The following PIK3C2G variants were observed in gnomAD, a reference collection of about 807,000 sequenced individuals.
The protein encoded by PIK3C2G is phosphatidylinositol-4-phosphate 3-kinase catalytic subunit type 2 gamma.
PIK3C2G carries 168 observed loss-of-function variants against 181.1 expected under a neutral mutation model. The ratio of observed to expected loss-of-function variants is 0.93; its 90% CI spans 0.82 to 1.05. PIK3C2G has a LOEUF of 1.05. Ranked by LOEUF, PIK3C2G falls within the 50% of genes least tolerant of loss-of-function variation. PIK3C2G has a pLI of 0.00. For synonymous variants in PIK3C2G, 573 were observed against 592.2 expected (o/e 0.97, Z 0.47); for missense variants, 1,869 against 1,732.8 (o/e 1.08, Z -1.40).
In PIK3C2G at chr12:18,516,437, T is replaced by A. The variant is rs540752740; in HGVS notation, c.3323+10976T>A. On this transcript the variant is annotated intron_variant, in intron 24 of 32. Transcript: ENST00000538779. ...TGTCTTTAATTTTTGATAATTTGAT[T>A]ATAATGTGTCTTGGGGAATTTCTCC... is the stretch of plus-strand genomic sequence containing the variant. Among the ~76,000 whole-genome samples the A allele has an allele frequency of 1.5e-3, 235 of 152,208 alleles. 1 individual carries two copies. The highest frequency in any genetic ancestry group is 2.8e-3 in the Non-Finnish European group (189 of 67,976).
At chr12:18,632,982 G>A (rs770905211) in intron 31 of PIK3C2G, among the ~76,000 whole-genome samples, 94 of 152,016 alleles carry the variant, frequency 6.2e-4, no homozygotes, top group Non-Finnish European at 3.5e-4. Context: ...TAACCATCAC[G>A]AGTTCACTCC....
chr12:18,484,751 T>C (rs1254195151), intron 18 of PIK3C2G, among the ~76,000 whole-genome samples: 1 of 152,112 alleles, frequency 6.6e-6, no homozygotes, highest in East Asian at 1.9e-4. Flanking sequence ...AGAGGTAAAA[T>C]AAAGTTGCTA....
At chr12:18,557,281 ATAAT>A (rs1350865434) in intron 26 of PIK3C2G, among the ~76,000 whole-genome samples, 18 of 152,104 alleles carry the variant, frequency 1.2e-4, no homozygotes, top group African/African-American at 2.2e-4. Flanking sequence ...GAATAATACA[ATAAT>A]TAATACGATC....
intron 19 of PIK3C2G, among the ~76,000 whole-genome samples, chr12:18,489,238 T>A (rs973347167): frequency 4.6e-5 from 7 of 152,070 alleles, no homozygotes; most frequent in Admixed American, 3.3e-4. Flanking sequence ...TTCTCTCAAG[T>A]TCAACACTCT....
chr12:18,532,176 A>G (rs1307100478), intron 24 of PIK3C2G, among the ~76,000 whole-genome samples: 1 of 152,096 alleles, frequency 6.6e-6, no homozygotes, highest in Non-Finnish European at 1.5e-5. Flanking sequence ...TCTGCAAGTC[A>G]TCTTCTGTGA....
chr12:18,618,388 G>C (rs769028593), intron 31 of PIK3C2G, among the ~76,000 whole-genome samples: 1 of 151,976 alleles, frequency 6.6e-6, no homozygotes, highest in Non-Finnish European at 1.5e-5. Flanking sequence ...ACTTATATCA[G>C]AACAAAAAAG....
At position 18,300,933 on chromosome 12, in the gene PIK3C2G, A is replaced by T. The variant is rs114464509; in HGVS notation, c.1034+6918A>T. ...TTTTTGCTTTCCAAGGAACAACTTTATATCTCCTTCATTTGGCAAGTATAA... is the reference window on the plus strand; with the variant it reads ...TTTTTGCTTTCCAAGGAACAACTTTTTATCTCCTTCATTTGGCAAGTATAA... On this transcript the variant is annotated intron_variant, in intron 5 of 32. Coordinates refer to ENST00000538779, the MANE Select transcript of PIK3C2G (RefSeq NM_001288772.2). Among the ~76,000 whole-genome samples, 341 of 152,208 alleles carry T rather than the reference A, an allele frequency of 2.2e-3. 2 individuals are homozygous for T. The highest frequency in any genetic ancestry group is 7.8e-3 in the African/African-American group (325 of 41,562).
chr12:18,682,132 A>G, the PIK3C2G span, among the ~76,000 whole-genome samples: 1 of 152,088 alleles, frequency 6.6e-6, no homozygotes, highest in Non-Finnish European at 1.5e-5. Flanking sequence ...GGAAACTGGA[A>G]GATTGTGCAC....
rs888874918 is a variant in PIK3C2G at position 18,420,961 on chromosome 12, G to A, written c.2336G>A (p.Arg779His). The stretch of plus-strand genomic sequence containing the variant: ...ATTAGTTTTCCAGATCAAGAAATTC[G>A]TAAAGTGGCAGTTCAACAATTAGAC... ...LTSSFPDQEI[R>H]KVAVQQLDNL... is the part of the protein sequence containing the mutation. Residue 779 changes from arginine (R) to histidine (H), a missense_variant, in exon 17 of 33, where the codon CGT (arginine) becomes CAT (histidine). Physicochemically the swap from Arg to His is conservative, Grantham distance 29. Coordinates refer to ENST00000538779, the MANE Select transcript of PIK3C2G (RefSeq NM_001288772.2). 16 of 1,596,508 alleles carry A rather than the reference G, an allele frequency of 1.0e-5. No individual in the cohort carries two copies. In the East Asian group the frequency reaches 1.1e-4, roughly 11 times the overall value.
intron 16 of PIK3C2G, among the ~76,000 whole-genome samples, chr12:18,412,930 A>G (rs1329321542): frequency 6.6e-6 from 1 of 152,014 alleles, no homozygotes; most frequent in African/African-American, 2.4e-5. Context: ...TTGGCCCTCC[A>G]TTTTGTGTTT....
At chr12:18,377,195 ATTGAT>A (rs1294030989) in intron 13 of PIK3C2G, among the ~76,000 whole-genome samples, 1 of 152,192 alleles carries the variant, frequency 6.6e-6, no homozygotes, top group Admixed American at 6.5e-5. Context: ...TATGGCTAAA[ATTGAT>A]AATTGCTTTA....
At chr12:18,370,553 T>G (rs1393715517) in intron 12 of PIK3C2G, among the ~76,000 whole-genome samples, 2 of 152,174 alleles carry the variant, frequency 1.3e-5, no homozygotes, top group African/African-American at 4.8e-5. Context: ...TTCAAATATT[T>G]CTTTTTGACT....
In PIK3C2G at chr12:18,496,230, T is replaced by C. The variant is rs112976422; in HGVS notation, c.2886+76T>C. 10 of 875,362 alleles carry C rather than the reference T, an allele frequency of 1.1e-5. No individual in the cohort carries two copies. In the African/African-American group the frequency reaches 1.2e-4, roughly 11 times the overall value. 54.2% of individuals were successfully genotyped at this position (875,362 alleles called of 1,614,324 possible). ...ATTTATTACTCACAAAAAGAAATTG[T>C]TGTGGCTATTTTCCTCCAGCAACAA... On this transcript the variant is annotated intron_variant, in intron 21 of 32. Coordinates refer to ENST00000538779, the MANE Select transcript of PIK3C2G (RefSeq NM_001288772.2).
At chr12:18,360,574 A>G in intron 11 of PIK3C2G, among the ~76,000 whole-genome samples, 1 of 152,152 alleles carries the variant, frequency 6.6e-6, no homozygotes, top group East Asian at 1.9e-4. Context: ...GAACTCCCTC[A>G]GTTTTTATTC....
At chr12:18,526,100 G>T (rs2136198805) in intron 24 of PIK3C2G, among the ~76,000 whole-genome samples, 1 of 152,000 alleles carries the variant, frequency 6.6e-6, no homozygotes, top group African/African-American at 2.4e-5. Flanking sequence ...GAGTATTACA[G>T]TACTTATATT....
intron 20 of PIK3C2G, among the ~76,000 whole-genome samples, chr12:18,494,899 C>T (rs1940876973): frequency 6.6e-6 from 1 of 151,882 alleles, no homozygotes; most frequent in African/African-American, 2.4e-5. Flanking sequence ...GACCTATCAA[C>T]ACAAATCTAA....
intron 31 of PIK3C2G, among the ~76,000 whole-genome samples, chr12:18,621,282 A>G (rs1948851815): frequency 1.3e-5 from 2 of 151,986 alleles, no homozygotes; most frequent in Non-Finnish European, 2.9e-5. Flanking sequence ...AGCATTTGGT[A>G]TTTAGTACAT....
At chr12:18,670,294 GCACA>G in the PIK3C2G span, among the ~76,000 whole-genome samples, 28 of 150,318 alleles carry the variant, frequency 1.9e-4, no homozygotes, top group Admixed American at 1.4e-3. Flanking sequence ...ACACATATGC[GCACA>G]CACACACACA....
At chr12:18,448,656 T>G (rs1039156464) in intron 18 of PIK3C2G, among the ~76,000 whole-genome samples, 1 of 152,132 alleles carries the variant, frequency 6.6e-6, no homozygotes, top group African/African-American at 2.4e-5. Context: ...GTGTCTGGCT[T>G]ATTTCATGTA....
Sources: gnomAD v4.1 joint callset for allele counts (sites outside exome capture counted in the v4.1 genomes callset) on GRCh38, gnomAD v4.1.1 for gene constraint, MANE v1.5 for transcripts, NCBI Gene and HGNC (gene_info 2026-07-23, HGNC 2026-07-21) for gene names.